AFG2A: variants seen among roughly 807,000 people sequenced by gnomAD.
AFG2A encodes the protein ATPase family gene 2 protein homolog A.
chr4:122,984,129 T>C, the AFG2A span, among the ~76,000 whole-genome samples: 1 of 152,220 alleles, frequency 6.6e-6, no homozygotes, highest in Non-Finnish European at 1.5e-5. Context: ...GTCGTGTATT[T>C]CTTTCAGTTG....
the AFG2A span, among the ~76,000 whole-genome samples, chr4:122,941,576 C>T: frequency 1.3e-5 from 2 of 152,248 alleles, no homozygotes; most frequent in African/African-American, 4.8e-5. Flanking sequence ...ATGTTGTCTG[C>T]AAACAGGGAC....
At chr4:123,267,552 ATCTT>A in the AFG2A span, among the ~76,000 whole-genome samples, 1 of 152,014 alleles carries the variant, frequency 6.6e-6, no homozygotes, top group African/African-American at 2.4e-5. Flanking sequence ...GGACAGGACA[ATCTT>A]TCAGTGACAG....
the AFG2A span, among the ~76,000 whole-genome samples, chr4:123,273,259 G>A: frequency 6.6e-6 from 1 of 152,020 alleles, no homozygotes; most frequent in Admixed American, 6.6e-5. Flanking sequence ...ATTATGCGTA[G>A]TATAATATAT....
At chr4:123,277,024 A>G in the AFG2A span, among the ~76,000 whole-genome samples, 1 of 152,140 alleles carries the variant, frequency 6.6e-6, no homozygotes, top group Non-Finnish European at 1.5e-5. Context: ...GAAGAATGTC[A>G]TTCGTAATTT....
At chr4:123,188,956 A>G in the AFG2A span, among the ~76,000 whole-genome samples, 6 of 152,336 alleles carry the variant, frequency 3.9e-5, no homozygotes, top group East Asian at 1.2e-3. Context: ...CTTAGTACCC[A>G]AATTTCTCAC....
At chr4:123,240,606 CAGAAT>C in the AFG2A span, among the ~76,000 whole-genome samples, 3 of 152,100 alleles carry the variant, frequency 2.0e-5, no homozygotes, top group Admixed American at 6.5e-5. Context: ...CACAACGTAC[CAGAAT>C]CTCTGGGACA....
the AFG2A span, among the ~76,000 whole-genome samples, chr4:123,109,133 G>A: frequency 5.3e-5 from 8 of 152,252 alleles, no homozygotes; most frequent in South Asian, 4.1e-4. Flanking sequence ...GGAGGTTGAA[G>A]TGGTATATGT....
At chr4:123,166,859 T>A in the AFG2A span, among the ~76,000 whole-genome samples, 1 of 152,300 alleles carries the variant, frequency 6.6e-6, no homozygotes, top group South Asian at 2.1e-4. Context: ...TAATCTTGGA[T>A]TATAACGTAT....
the AFG2A span, among the ~76,000 whole-genome samples, chr4:122,923,728 A>G: frequency 6.6e-6 from 1 of 152,220 alleles, no homozygotes; most frequent in Non-Finnish European, 1.5e-5. Context: ...TTCTTCCAGT[A>G]CTACGCAGGT....
At chr4:123,070,311 T>A in the AFG2A span, among the ~76,000 whole-genome samples, 3 of 152,304 alleles carry the variant, frequency 2.0e-5, no homozygotes, top group Admixed American at 1.3e-4. Context: ...TGCTATCTAG[T>A]GACATTTTCT....
the AFG2A span, among the ~76,000 whole-genome samples, chr4:123,026,541 A>G: frequency 2.0e-5 from 3 of 152,200 alleles, no homozygotes; most frequent in African/African-American, 7.2e-5. Context: ...AGCTTAAGTT[A>G]TATGGATTAT....
the AFG2A span, among the ~76,000 whole-genome samples, chr4:123,308,413 C>G: frequency 6.6e-6 from 1 of 152,174 alleles, no homozygotes; most frequent in Admixed American, 6.5e-5. Context: ...TGTCAGGAAC[C>G]AGGCCACACG....
chr4:123,299,654 T>C, the AFG2A span, among the ~76,000 whole-genome samples: 6 of 152,154 alleles, frequency 3.9e-5, no homozygotes, highest in African/African-American at 1.4e-4. Context: ...AATGATACTT[T>C]GTTTGTTTGT....
the AFG2A span, among the ~76,000 whole-genome samples, chr4:123,050,976 C>T: frequency 4.6e-5 from 7 of 151,936 alleles, no homozygotes; most frequent in African/African-American, 7.3e-5. Context: ...CCTGACCTAG[C>T]GATCCATCCC....
chr4:123,025,461 A>C, the AFG2A span, among the ~76,000 whole-genome samples: 3 of 152,234 alleles, frequency 2.0e-5, no homozygotes, highest in African/African-American at 7.2e-5. Context: ...TGAATCTCCG[A>C]TTAACACATC....
chr4:123,242,232 T>C, the AFG2A span, among the ~76,000 whole-genome samples: 46 of 152,230 alleles, frequency 3.0e-4, no homozygotes, highest in South Asian at 7.1e-3. Flanking sequence ...CTACCAATGA[T>C]TTTCTTCACA....
At chr4:122,982,864 C>CTTTTTTTTTTTTTTTTTTTTTTTTTTT in the AFG2A span, among the ~76,000 whole-genome samples, 1 of 93,766 alleles carries the variant, frequency 1.1e-5, no homozygotes, top group Non-Finnish European at 1.9e-5. Context: ...TAATCTTCTT[C>CTTTTTTTTTTTTTTTTTTTTTTTTTTT]TTTTTTTTTT....
At chr4:123,262,500 A>G in the AFG2A span, among the ~76,000 whole-genome samples, 1 of 152,214 alleles carries the variant, frequency 6.6e-6, no homozygotes, top group Non-Finnish European at 1.5e-5. Flanking sequence ...CTCTGTGTCA[A>G]CACAACGTTC....
At chr4:123,068,645 A>G in the AFG2A span, among the ~76,000 whole-genome samples, 1 of 152,172 alleles carries the variant, frequency 6.6e-6, no homozygotes, top group African/African-American at 2.4e-5. Context: ...CATACCTGCC[A>G]ACAAGAATGA....
Sources: allele counts gnomAD v4.1 joint callset (sites outside exome capture counted in the v4.1 genomes callset), GRCh38; gene constraint gnomAD v4.1.1; transcripts MANE v1.5; gene names NCBI Gene and HGNC (gene_info 2026-07-23, HGNC 2026-07-21).